The following COL24A1 variants were observed in gnomAD, a reference collection of about 807,000 sequenced individuals.
COL24A1 encodes the protein collagen type XXIV alpha 1 chain.
In COL24A1, 224 loss-of-function variants were observed where a neutral mutation model predicts 253.9. That is an observed-to-expected ratio of 0.88 (90% confidence interval 0.79 to 0.99). The LOEUF (loss-of-function observed/expected upper bound fraction) is 0.99, where lower values mean the gene tolerates loss of function less well. COL24A1 is among the 50% of genes least tolerant of loss of function. The probability of loss-of-function intolerance (pLI) is 0.00; values close to 1 mark genes in which losing one functional copy is unlikely to be tolerated. For synonymous variants in COL24A1, 685 were observed against 673.7 expected (o/e 1.02, Z -0.26); for missense variants, 2,131 against 2,068.5 (o/e 1.03, Z -0.59).
At chr1:85,778,605 A>ATTTT (rs369650547) in intron 52 of COL24A1, among the ~76,000 whole-genome samples, 6 of 138,328 alleles carry the variant, frequency 4.3e-5, no homozygotes, top group Admixed American at 7.4e-5. Flanking sequence ...TTATTCTTCA[A>ATTTT]TTTTTTTTTT....
chr1:86,028,608 C>A (rs1698264168), intron 14 of COL24A1, among the ~76,000 whole-genome samples: 1 of 152,182 alleles, frequency 6.6e-6, no homozygotes, highest in South Asian at 2.1e-4. Flanking sequence ...AACCTCTTTC[C>A]TTTATAAATT....
intron 53 of COL24A1, among the ~76,000 whole-genome samples, chr1:85,765,993 G>A (rs1454687621): frequency 6.6e-6 from 1 of 152,082 alleles, no homozygotes; most frequent in Non-Finnish European, 1.5e-5. Context: ...TTGAAGTAGA[G>A]GAAGAGTAGA....
At chr1:85,908,272 G>A (rs1360738053) in intron 27 of COL24A1, among the ~76,000 whole-genome samples, 4 of 151,764 alleles carry the variant, frequency 2.6e-5, no homozygotes, top group Non-Finnish European at 5.9e-5. Context: ...ATATGTTGAA[G>A]CTTACACTTG....
intron 47 of COL24A1, among the ~76,000 whole-genome samples, chr1:85,810,968 A>G (rs953980722): frequency 3.9e-5 from 6 of 152,142 alleles, no homozygotes; most frequent in African/African-American, 1.2e-4. Flanking sequence ...GTCTTCCTGG[A>G]AGACAAGAAC....
At chr1:86,056,168 T>C (rs1002295530) in intron 10 of COL24A1, among the ~76,000 whole-genome samples, 2 of 151,462 alleles carry the variant, frequency 1.3e-5, no homozygotes, top group African/African-American at 4.8e-5. Context: ...TCTTGACCAC[T>C]AATCTCTTCT....
intron 47 of COL24A1, among the ~76,000 whole-genome samples, chr1:85,790,911 A>T (rs1219533525): frequency 6.6e-6 from 1 of 152,162 alleles, no homozygotes; most frequent in Non-Finnish European, 1.5e-5. Flanking sequence ...GGAAAATGTA[A>T]CATGGAGTAT....
intron 24 of COL24A1, among the ~76,000 whole-genome samples, chr1:85,939,884 T>C (rs1392622853): frequency 6.6e-6 from 1 of 152,164 alleles, no homozygotes; most frequent in African/African-American, 2.4e-5. Flanking sequence ...GGATATATAC[T>C]GCCCTCTTAA....
At chr1:85,859,168 C>G (rs1678852295) in intron 37 of COL24A1, among the ~76,000 whole-genome samples, 1 of 152,112 alleles carries the variant, frequency 6.6e-6, no homozygotes, top group Admixed American at 6.6e-5. Context: ...ACTGCTGTAA[C>G]ATTAACATTC....
At chr1:85,977,792 T>C (rs681639) in intron 20 of COL24A1, among the ~76,000 whole-genome samples, 79,443 of 151,972 alleles carry the variant, frequency 0.52, 21,149 homozygotes, top group Admixed American at 0.58. Context: ...TCTAAAACTT[T>C]GGAAAACTTA....
chr1:86,083,886 G>A (rs10873744), intron 7 of COL24A1, among the ~76,000 whole-genome samples: 45,642 of 152,034 alleles, frequency 0.3, 8,217 homozygotes, highest in Non-Finnish European at 0.4. Flanking sequence ...TTATACTTAA[G>A]CAACTTATAC....
intron 6 of COL24A1, 110 bp downstream of exon 6, chr1:86,092,157 C>G: frequency 2.6e-6 from 2 of 769,076 alleles, no homozygotes; most frequent in Non-Finnish European, 4.1e-6. Context: ...AATTAATTCT[C>G]ATGTTTTTTT....
chr1:85,744,160 C>A (rs933490158), intron 57 of COL24A1, among the ~76,000 whole-genome samples: 2 of 151,790 alleles, frequency 1.3e-5, no homozygotes, highest in Non-Finnish European at 2.9e-5. Context: ...ATTTTTGCAC[C>A]TCTGGCTAAT....
intron 24 of COL24A1, among the ~76,000 whole-genome samples, chr1:85,917,635 T>C (rs979577128): frequency 1.3e-5 from 2 of 152,096 alleles, no homozygotes; most frequent in Non-Finnish European, 2.9e-5. Flanking sequence ...TATATTTTCT[T>C]GATGATTTTC....
At chr1:85,835,630 C>T (rs1363086496) in intron 43 of COL24A1, among the ~76,000 whole-genome samples, 1 of 152,030 alleles carries the variant, frequency 6.6e-6, no homozygotes, top group Non-Finnish European at 1.5e-5. Flanking sequence ...CATGGATGAA[C>T]TTTTAAAACA....
chr1:85,914,071 C>A (rs978100351), intron 24 of COL24A1, among the ~76,000 whole-genome samples: 1 of 152,144 alleles, frequency 6.6e-6, no homozygotes, highest in African/African-American at 2.4e-5. Context: ...CACCTCATAC[C>A]TTACATTGGT....
chr1:85,766,167 A>G (rs1393631042), intron 53 of COL24A1, among the ~76,000 whole-genome samples: 1 of 151,870 alleles, frequency 6.6e-6, no homozygotes, highest in Non-Finnish European at 1.5e-5. Context: ...GGAGTTCAAG[A>G]CTGGCCTGGG....
intron 47 of COL24A1, among the ~76,000 whole-genome samples, chr1:85,796,002 C>T (rs923582401): frequency 6.6e-6 from 1 of 152,108 alleles, no homozygotes; most frequent in Non-Finnish European, 1.5e-5. Flanking sequence ...ATATGCAAGG[C>T]TACATTTTAC....
chr1:86,104,591 G>A (rs562492761), intron 5 of COL24A1, among the ~76,000 whole-genome samples: 20 of 152,234 alleles, frequency 1.3e-4, no homozygotes, highest in African/African-American at 4.6e-4. Flanking sequence ...GGGTTTTATT[G>A]TGATATAAGG....
intron 5 of COL24A1, among the ~76,000 whole-genome samples, chr1:86,093,554 C>T (rs1444840281): frequency 6.6e-6 from 1 of 151,874 alleles, no homozygotes; most frequent in Non-Finnish European, 1.5e-5. Flanking sequence ...ACAACCTAGG[C>T]AATATGATTT....
Sources: allele counts gnomAD v4.1 joint callset (sites outside exome capture counted in the v4.1 genomes callset), GRCh38; gene constraint gnomAD v4.1.1; transcripts MANE v1.5; gene names NCBI Gene and HGNC (gene_info 2026-07-23, HGNC 2026-07-21).